LOC400499: variants seen among roughly 807,000 people sequenced by gnomAD.
At chr16:11,393,997 AGCAGCC>A in the LOC400499 span, among the ~76,000 whole-genome samples, 1 of 152,188 alleles carries the variant, frequency 6.6e-6, no homozygotes, top group East Asian at 1.9e-4. Flanking sequence ...CCAACCCAGC[AGCAGCC>A]GCCCACAGGG....
At chr16:11,475,580 G>C in the LOC400499 span, 286 of 398,754 alleles carry the variant, frequency 7.2e-4, no homozygotes, top group African/African-American at 5.3e-3. Context: ...TTCAACCCTG[G>C]GATGCCCACC....
chr16:11,431,260 T>C, the LOC400499 span: 5 of 399,000 alleles, frequency 1.3e-5, no homozygotes, highest in African/African-American at 1.0e-4. Flanking sequence ...GTTAAGATCA[T>C]GGGCTTTGTA....
the LOC400499 span, among the ~76,000 whole-genome samples, chr16:11,493,019 G>C: frequency 1.3e-5 from 2 of 152,168 alleles, no homozygotes; most frequent in African/African-American, 2.4e-5. Context: ...CCTGGGGCAA[G>C]AGAGGGTCAC....
the LOC400499 span, chr16:11,385,275 G>C: frequency 1.1e-5 from 13 of 1,232,280 alleles, no homozygotes; most frequent in East Asian, 3.2e-4. Flanking sequence ...TGTGAGCCCC[G>C]AGCCTGTCCG....
the LOC400499 span, among the ~76,000 whole-genome samples, chr16:11,410,041 G>A: frequency 6.6e-6 from 1 of 152,224 alleles, no homozygotes; most frequent in Non-Finnish European, 1.5e-5. Flanking sequence ...CTACTCCAGA[G>A]GCTGAGGCAG....
At chr16:11,404,673 C>A in the LOC400499 span, 1 of 399,048 alleles carries the variant, frequency 2.5e-6, no homozygotes, top group East Asian at 3.6e-5. Flanking sequence ...GTGACTGGGC[C>A]ACCCCTGCCT....
the LOC400499 span, among the ~76,000 whole-genome samples, chr16:11,449,974 T>A: frequency 6.6e-6 from 1 of 152,228 alleles, no homozygotes; most frequent in African/African-American, 2.4e-5. Context: ...CTTGCTCTCC[T>A]GTCTTGGCAT....
the LOC400499 span, among the ~76,000 whole-genome samples, chr16:11,515,036 T>C: frequency 4.0e-4 from 61 of 152,166 alleles, 1 homozygote; most frequent in South Asian, 0.013. Context: ...GCGGGCGTGG[T>C]GGCTCATTCC....
At chr16:11,393,423 C>T in the LOC400499 span, 5 of 1,232,188 alleles carry the variant, frequency 4.1e-6, no homozygotes, top group African/African-American at 3.1e-5. Flanking sequence ...CTGCAGACAG[C>T]TTGGGGCCCG....
At chr16:11,381,369 G>A in the LOC400499 span, among the ~76,000 whole-genome samples, 2 of 152,112 alleles carry the variant, frequency 1.3e-5, no homozygotes, top group Non-Finnish European at 1.5e-5. Flanking sequence ...CCAAAGTGCT[G>A]GGAGTACAAG....
At chr16:11,519,334 A>G in the LOC400499 span, among the ~76,000 whole-genome samples, 1 of 152,188 alleles carries the variant, frequency 6.6e-6, no homozygotes, top group East Asian at 1.9e-4. Flanking sequence ...TCCCACTGTC[A>G]CCATGGGGTG....
At chr16:11,490,333 T>A in the LOC400499 span, among the ~76,000 whole-genome samples, 13 of 149,596 alleles carry the variant, frequency 8.7e-5, no homozygotes, top group African/African-American at 2.7e-4. Context: ...AAGGCAGAGG[T>A]TGCAGTGAGC....
chr16:11,394,077 C>A, the LOC400499 span, among the ~76,000 whole-genome samples: 4 of 152,150 alleles, frequency 2.6e-5, no homozygotes, highest in Non-Finnish European at 5.9e-5. Flanking sequence ...GTGTTGGGGG[C>A]CCCGGGCCCT....
chr16:11,491,825 T>C, the LOC400499 span: 2 of 398,930 alleles, frequency 5.0e-6, no homozygotes, highest in Non-Finnish European at 4.4e-6. Context: ...GGGATTGGTA[T>C]AGACGGGAGA....
At chr16:11,475,418 T>C in the LOC400499 span, among the ~76,000 whole-genome samples, 2 of 152,216 alleles carry the variant, frequency 1.3e-5, no homozygotes, top group Non-Finnish European at 2.9e-5. Context: ...TTCTGTGGAT[T>C]TGTGTTCCTT....
chr16:11,456,715 A>G, the LOC400499 span: 19 of 996,436 alleles, frequency 1.9e-5, no homozygotes, highest in Non-Finnish European at 2.5e-5. Flanking sequence ...GGCGTGAGCC[A>G]CTGTGCCTGG....
the LOC400499 span, chr16:11,384,817 G>A: frequency 1.6e-6 from 2 of 1,213,464 alleles, no homozygotes; most frequent in African/African-American, 3.1e-5. Flanking sequence ...CTGCCGCCCT[G>A]GAAGCTTAAA....
chr16:11,443,405 G>T, the LOC400499 span: 8 of 425,402 alleles, frequency 1.9e-5, no homozygotes, highest in East Asian at 6.1e-4. Context: ...AGGTTGCGGT[G>T]AGCTGAGATC....
the LOC400499 span, chr16:11,396,781 C>A: frequency 1.1e-6 from 1 of 918,786 alleles, no homozygotes; most frequent in Non-Finnish European, 1.4e-6. Flanking sequence ...CTCCCAGCCT[C>A]CACACCTGTC....
Sources: gnomAD v4.1 joint callset for allele counts (sites outside exome capture counted in the v4.1 genomes callset) on GRCh38, gnomAD v4.1.1 for gene constraint, MANE v1.5 for transcripts.